The following OLFML2A variants were observed in gnomAD, a reference collection of about 807,000 sequenced individuals.
OLFML2A encodes olfactomedin-like protein 2A.
A neutral mutation model predicts 60.9 loss-of-function variants in OLFML2A; 47 were observed. The ratio of observed to expected loss-of-function variants is 0.77; its 90% CI spans 0.61 to 0.98. The LOEUF (loss-of-function observed/expected upper bound fraction) is 0.98, where lower values mean the gene tolerates loss of function less well. Ranked by LOEUF, OLFML2A falls within the 50% of genes least tolerant of loss-of-function variation. The pLI is 0.00. For synonymous variants in OLFML2A, 372 were observed against 375.0 expected (o/e 0.99, Z 0.09); for missense variants, 922 against 879.8 (o/e 1.05, Z -0.61).
chr9:124,784,943 G>GTTTTTTTTGTTTTTTTTT (rs1841429970), intron 1 of OLFML2A, among the ~76,000 whole-genome samples: 8 of 69,592 alleles, frequency 1.1e-4, no homozygotes, highest in African/African-American at 5.2e-4. Context: ...CCTTTTACTT[G>GTTTTTTTTGTTTTTTTTT]TTTTTTTTTT....
rs376077942 is a variant in OLFML2A, at chr9:124,789,206, A to C, written c.354+1968A>C. On this transcript the variant is annotated intron_variant, in intron 2 of 7. Transcript: ENST00000373580. ...TAGCCTCCCAAAATGCTGGGATTAC[A>C]GGCGTGAGTCACTGTGCCTTTCCAG... Among the ~76,000 whole-genome samples the C allele has an allele frequency of 5.3e-5, 8 of 152,352 alleles. No individual in the cohort carries two copies. In the South Asian group the frequency reaches 6.2e-4, roughly 12 times the overall value.
rs1367516682 is a variant in OLFML2A, at chr9:124,814,838, T to A, written c.*4426T>A. The A allele has an allele frequency of 6.6e-6, 1 of 152,266 alleles. No individual in the cohort carries two copies. The highest frequency in any genetic ancestry group is 1.5e-5 in the Non-Finnish European group (1 of 68,048). The allele number at this position is 152,266 out of a possible 1,614,324, so 9.4% of individuals were successfully genotyped here. ...CTGAGATATCTGTTTTGCAACAAGATGGGCTATATCTAAATAAAGACATGA... is the reference window on the plus strand; with the variant it reads ...CTGAGATATCTGTTTTGCAACAAGAAGGGCTATATCTAAATAAAGACATGA... On this transcript the variant is annotated 3_prime_UTR_variant, in exon 8 of 8. Transcript: ENST00000373580.
At chr9:124,804,054 G>A (rs1203395450) in intron 5 of OLFML2A, 40 bp from the exon 6 acceptor site, 2 of 1,604,116 alleles carry the variant, frequency 1.2e-6, no homozygotes, top group Non-Finnish European at 1.7e-6. Flanking sequence ...ACGGCAGCAG[G>A]TGGTGCTGAG....
In OLFML2A at chr9:124,777,346, C is replaced by T. The variant is rs1306133674; in HGVS notation, c.76C>T (p.Arg26Cys). Reference sequence around the variant, plus strand: ...GCTGCTGCTGAGCGGCCGCCCCACGCGCGCCGACAGTAAGGTACGCACGCC... The same window carrying T: ...GCTGCTGCTGAGCGGCCGCCCCACGTGCGCCGACAGTAAGGTACGCACGCC... ...LVLLLSGRPT[R>C]ADSKVFGDLD... The change falls in exon 1 of 8, where the codon CGC (arginine) becomes TGC (cysteine). Residue 26 changes from arginine to cysteine, a missense_variant. Coordinates refer to ENST00000373580, the MANE Select transcript of OLFML2A (RefSeq NM_182487.4). This position sits in a 1 kb window ranked among gnomAD's most constrained non-coding sequence, Gnocchi z 6.2. 3 of 1,289,368 alleles carry T rather than the reference C, an allele frequency of 2.3e-6. No individual in the cohort carries two copies. The highest frequency in any genetic ancestry group is 3.0e-6 in the Non-Finnish European group (3 of 1,013,608). 79.9% of individuals were successfully genotyped at this position (1,289,368 alleles called of 1,614,324 possible).
chr9:124,801,163 A>T, intron 4 of OLFML2A: 2 of 1,155,494 alleles, frequency 1.7e-6, no homozygotes, highest in Non-Finnish European at 2.5e-6. Context: ...GAAGTGGGAC[A>T]GGAATCTAAC....
chr9:124,783,091 C>A (rs541254107), intron 1 of OLFML2A, among the ~76,000 whole-genome samples: 1 of 151,994 alleles, frequency 6.6e-6, no homozygotes. Context: ...CTTCACCCAC[C>A]GAGAGGCCAG....
rs200613665 is a variant in OLFML2A at position 124,810,010 on chromosome 9, G to A, written c.1557G>A (p.Ser519=). The part of the protein sequence containing the change: ...DTTPWKWRGH[S]DIDFAVDESG... ...CACCTTGGAAGTGGCGCGGACACTC[G>A]GACATTGACTTTGCCGTGGACGAGA... The change falls in exon 8 of 8, where the codon TCG becomes TCA. Residue 519 remains serine (S), a synonymous_variant. Coordinates refer to ENST00000373580, the MANE Select transcript of OLFML2A (RefSeq NM_182487.4). 1.7e-5 allele frequency: 28 copies of A among 1,614,086 alleles called. No individual in the cohort carries two copies. Among genetic ancestry groups the A allele is most frequent in the Admixed American group, 1.0e-4 (6 of 60,020 alleles).
At chr9:124,797,690 G>T (rs184712798) in intron 3 of OLFML2A, among the ~76,000 whole-genome samples, 1 of 152,180 alleles carries the variant, frequency 6.6e-6, no homozygotes, top group Non-Finnish European at 1.5e-5. Context: ...ATACTCAGAC[G>T]AAAGAATCCC....
chr9:124,798,151 A>C (rs1371118309), intron 3 of OLFML2A, among the ~76,000 whole-genome samples: 1 of 152,266 alleles, frequency 6.6e-6, no homozygotes, highest in African/African-American at 2.4e-5. Context: ...TTTATGTATT[A>C]TGTATACAAT....
At position 124,787,120 on chromosome 9, in the gene OLFML2A, C is replaced by T. The variant is rs1467165776; in HGVS notation, c.236C>T (p.Thr79Ile). The T allele has an allele frequency of 1.2e-6, 2 of 1,614,110 alleles. No individual in the cohort carries two copies. Among genetic ancestry groups the T allele is most frequent in the African/African-American group, 1.3e-5 (1 of 74,940 alleles). ...ARVEDFYTVE[T>I]VSSGTDCRCS... is the part of the protein sequence containing the mutation. ...GTGGAGGACTTCTACACGGTGGAGA[C>T]TGTGAGCTCGGGCACTGACTGCCGC... is the stretch of plus-strand genomic sequence containing the variant. The change falls in exon 2 of 8, where the codon ACT becomes ATT. Residue 79 changes from threonine to isoleucine, a missense_variant. Physicochemically the swap from Thr to Ile is moderately conservative, Grantham distance 89 (BLOSUM62 -1). Transcript: ENST00000373580.
intron 3 of OLFML2A, among the ~76,000 whole-genome samples, chr9:124,797,417 C>G (rs991831405): frequency 2.6e-5 from 4 of 152,182 alleles, no homozygotes; most frequent in Non-Finnish European, 5.9e-5. Flanking sequence ...GGAGAAGTAG[C>G]TACTGGCCCA....
intron 4 of OLFML2A, 94 bp from the exon 5 acceptor site, chr9:124,801,320 T>A: frequency 7.5e-7 from 1 of 1,339,556 alleles, no homozygotes; most frequent in Non-Finnish European, 1.0e-6. Flanking sequence ...TGGGGCAACA[T>A]GGCCACCTCC....
At chr9:124,801,107 G>A (rs1245176782) in intron 4 of OLFML2A, 11 of 1,517,240 alleles carry the variant, frequency 7.3e-6, no homozygotes, top group African/African-American at 1.4e-5. Flanking sequence ...CTCCCAGGGA[G>A]CTGGTCCTTC....
chr9:124,801,728 T>C, intron 5 of OLFML2A, 65 bp downstream of exon 5: 1 of 1,538,112 alleles, frequency 6.5e-7, no homozygotes, highest in Non-Finnish European at 8.8e-7. Flanking sequence ...AATCCCCTCA[T>C]CTTCTCTGCA....
At position 124,812,978 on chromosome 9, in the gene OLFML2A, G is replaced by A. The variant is rs899212714; in HGVS notation, c.*2566G>A. 1.3e-5 allele frequency: 2 copies of A among 152,120 alleles called. No homozygotes were observed. The highest frequency in any genetic ancestry group is 4.8e-5 in the African/African-American group (2 of 41,374). The allele number at this position is 152,120 out of a possible 1,614,324, so 9.4% of individuals were successfully genotyped here. On this transcript the variant is annotated 3_prime_UTR_variant, in exon 8 of 8. Coordinates refer to ENST00000373580, the MANE Select transcript of OLFML2A (RefSeq NM_182487.4). ...TTTCTTTTCTTTTTTTTGAGACAGA[G>A]TTTCGCTTTTGTTGCCCGGGCTGGA...
Position 124,795,111 on chromosome 9 carries a change from C to A in OLFML2A, c.442C>A (p.Gln148Lys). 6.2e-7 allele frequency: 1 copy of A among 1,600,012 alleles called. No homozygotes were observed. The highest frequency in any genetic ancestry group is 2.2e-5 in the East Asian group (1 of 44,564). ...CGCCTACGTCCACAAGGTGGCCTCC[C>A]AGATGAACACACTGGAAGAGGTAAG... is the stretch of plus-strand genomic sequence containing the variant. ...VHAYVHKVAS[Q>K]MNTLEESIKA... Residue 148 changes from glutamine (Q) to lysine (K), a missense_variant, in exon 3 of 8, where the codon CAG (glutamine) becomes AAG (lysine). Physicochemically the swap from Gln to Lys is moderately conservative, Grantham distance 53 (BLOSUM62 1). Coordinates refer to ENST00000373580, the MANE Select transcript of OLFML2A (RefSeq NM_182487.4).
chr9:124,792,313 G>GTCAC (rs1841583747), intron 2 of OLFML2A, among the ~76,000 whole-genome samples: 1 of 152,096 alleles, frequency 6.6e-6, no homozygotes, highest in Admixed American at 6.5e-5. Context: ...GCTCCTGTGT[G>GTCAC]TCACTACCTG....
intron 4 of OLFML2A, among the ~76,000 whole-genome samples, chr9:124,799,798 G>T (rs1841740218): frequency 6.6e-6 from 1 of 152,168 alleles, no homozygotes; most frequent in South Asian, 2.1e-4. Flanking sequence ...GCTTGTGGAG[G>T]TGGTGCCCCC....
chr9:124,801,135 G>A, intron 4 of OLFML2A: 1 of 1,341,766 alleles, frequency 7.5e-7, no homozygotes, highest in Middle Eastern at 1.8e-4. Context: ...CCCCCCAGGG[G>A]GATTGGACAG....
Sources: gnomAD v4.1 joint callset for allele counts (sites outside exome capture counted in the v4.1 genomes callset) on GRCh38, gnomAD v4.1.1 for gene constraint, Gnocchi (gnomAD v3.1) non-coding constraint, MANE v1.5 for transcripts, NCBI Gene and HGNC (gene_info 2026-07-23, HGNC 2026-07-21) for gene names.